The following CALN1 variants were observed in gnomAD, a reference collection of about 807,000 sequenced individuals.
The protein encoded by CALN1 is calneuron 1.
Under a neutral mutation model 30.6 loss-of-function variants are expected in CALN1, and 17 were observed. That is an observed-to-expected ratio of 0.56 (90% CI 0.38 to 0.83). CALN1 has a LOEUF of 0.83. CALN1 is among the 40% of genes least tolerant of loss of function. The pLI is 0.00. For synonymous variants in CALN1, 156 were observed against 131.4 expected, an observed-to-expected ratio of 1.19 and a Z score of -1.28; for missense variants, 291 against 354.9, an observed-to-expected ratio of 0.82 and a Z score of 1.45.
At chr7:72,203,003 G>C (rs976014028) in intron 3 of CALN1, among the ~76,000 whole-genome samples, 5 of 152,108 alleles carry the variant, frequency 3.3e-5, no homozygotes, top group African/African-American at 1.2e-4. Flanking sequence ...ATACTATGCA[G>C]CCATAAAAAA....
chr7:72,288,420 C>A (rs897552314), intron 2 of CALN1, among the ~76,000 whole-genome samples: 2 of 152,186 alleles, frequency 1.3e-5, no homozygotes, highest in African/African-American at 4.8e-5. Flanking sequence ...GGAAATCACA[C>A]ATCATCACTT....
At chr7:72,310,532 G>A (rs2129556336) in intron 2 of CALN1, among the ~76,000 whole-genome samples, 1 of 151,872 alleles carries the variant, frequency 6.6e-6, no homozygotes, top group Non-Finnish European at 1.5e-5. Flanking sequence ...ATAATACCTT[G>A]GGTAGTGCCA....
chr7:72,217,120 A>G (rs10227014), intron 3 of CALN1, among the ~76,000 whole-genome samples: 108,135 of 151,980 alleles, frequency 0.71, 39,179 homozygotes, highest in East Asian at 1. Context: ...TAAGAAAAGT[A>G]CCTTTTTGGG....
intron 2 of CALN1, among the ~76,000 whole-genome samples, chr7:72,290,391 G>A (rs1257453744): frequency 1.3e-5 from 2 of 152,148 alleles, no homozygotes; most frequent in African/African-American, 2.4e-5. Context: ...AGCTCTAGGG[G>A]ACCATTCTCT....
rs896905902 is a variant in CALN1 at position 72,336,625 on chromosome 7, T to C, written c.120-57815A>G. On this transcript the variant is annotated intron_variant, in intron 2 of 6. Coordinates refer to ENST00000395275, the MANE Select transcript of CALN1 (RefSeq NM_031468.4). ...CGACAGCCCGGGGGTTTGGACACCC[T>C]AGAGAGAAGCGAGGACCGAGGGAAG... 1.1e-5 allele frequency: 10 copies of C among 934,496 alleles called. 1 individual carries two copies. In the African/African-American group the frequency reaches 1.4e-4, roughly 13 times the overall value. The allele number at this position is 934,496 out of a possible 1,614,324, so 57.9% of individuals were successfully genotyped here. A position where few individuals can be genotyped will look rare whatever the true frequency, so the allele number is the denominator to read the frequency against.
intron 5 of CALN1, among the ~76,000 whole-genome samples, chr7:71,904,420 T>C (rs1794020903): frequency 6.6e-6 from 1 of 152,194 alleles, no homozygotes; most frequent in South Asian, 2.1e-4. Flanking sequence ...TAGAGGACAT[T>C]GTTAAGGGAA....
chr7:72,017,179 AAAAAAAAAAAAAG>A (rs1800444430), intron 5 of CALN1, among the ~76,000 whole-genome samples: 1 of 133,398 alleles, frequency 7.5e-6, no homozygotes, highest in Non-Finnish European at 1.7e-5. Flanking sequence ...TTAAAAAAAA[AAAAAAAAAAAAAG>A]AGTCCAGGAC....
At chr7:72,356,781 A>T (rs900384090) in intron 2 of CALN1, among the ~76,000 whole-genome samples, 1 of 152,050 alleles carries the variant, frequency 6.6e-6, no homozygotes, top group African/African-American at 2.4e-5. Context: ...AAATCAAAAT[A>T]TATTAGCTAA....
intron 1 of CALN1, among the ~76,000 whole-genome samples, chr7:72,426,059 G>T (rs926741967): frequency 6.6e-6 from 1 of 152,212 alleles, no homozygotes; most frequent in African/African-American, 2.4e-5. Context: ...TGGCACCTAG[G>T]CTTAGGCCAG....
intron 2 of CALN1, among the ~76,000 whole-genome samples, chr7:72,306,048 G>A (rs1018086523): frequency 6.6e-5 from 10 of 152,100 alleles, no homozygotes; most frequent in Non-Finnish European, 1.2e-4. Context: ...GGGGTCTAGG[G>A]AGTCATGCCC....
At chr7:72,205,551 A>AAATATATACATACATACATATAT in intron 3 of CALN1, among the ~76,000 whole-genome samples, 1 of 83,052 alleles carries the variant, frequency 1.2e-5, no homozygotes, top group African/African-American at 7.5e-5. Context: ...GCAAAAAAAA[A>AAATATATACATACATACATATAT]ATATATATAT....
At chr7:72,239,616 G>T (rs142862912) in intron 3 of CALN1, among the ~76,000 whole-genome samples, 1 of 151,924 alleles carries the variant, frequency 6.6e-6, no homozygotes, top group Non-Finnish European at 1.5e-5. Flanking sequence ...CTTTTCTAAG[G>T]TGTTAATTTC....
intron 3 of CALN1, among the ~76,000 whole-genome samples, chr7:72,183,158 G>A (rs1445697027): frequency 3.3e-5 from 5 of 152,068 alleles, no homozygotes; most frequent in African/African-American, 1.2e-4. Context: ...CTGCCTCCCT[G>A]GTTCAAGCGA....
At chr7:72,283,698 G>C (rs1364809289) in intron 2 of CALN1, among the ~76,000 whole-genome samples, 2 of 152,216 alleles carry the variant, frequency 1.3e-5, no homozygotes, top group African/African-American at 4.8e-5. Flanking sequence ...GGATTACAAA[G>C]GAGGGTCAGT....
chr7:71,913,562 G>T (rs1794536703), intron 5 of CALN1, among the ~76,000 whole-genome samples: 1 of 152,176 alleles, frequency 6.6e-6, no homozygotes. Flanking sequence ...AGGTTTTATT[G>T]TTTTTTAAAA....
At chr7:72,345,902 G>A (rs1389225217) in intron 2 of CALN1, among the ~76,000 whole-genome samples, 2 of 152,076 alleles carry the variant, frequency 1.3e-5, no homozygotes, top group Non-Finnish European at 2.9e-5. Context: ...ATATAACGTG[G>A]CATTTAAGCA....
At chr7:71,838,342 A>G (rs1403129092) in intron 5 of CALN1, among the ~76,000 whole-genome samples, 1 of 152,170 alleles carries the variant, frequency 6.6e-6, no homozygotes, top group African/African-American at 2.4e-5. Context: ...CTCATGGACT[A>G]TTGTGGTAAA....
chr7:72,090,913 T>C (rs558136759), intron 4 of CALN1, among the ~76,000 whole-genome samples: 2 of 152,186 alleles, frequency 1.3e-5, no homozygotes, highest in South Asian at 2.1e-4. Context: ...ACGATGATTA[T>C]AGGGGCAAGG....
intron 5 of CALN1, among the ~76,000 whole-genome samples, chr7:71,975,536 C>T (rs1312925090): frequency 6.6e-6 from 1 of 152,118 alleles, no homozygotes; most frequent in Non-Finnish European, 1.5e-5. Context: ...AGGAAATCCT[C>T]CTGCCTCAGC....
Sources: allele counts gnomAD v4.1 joint callset (sites outside exome capture counted in the v4.1 genomes callset), GRCh38; gene constraint gnomAD v4.1.1; transcripts MANE v1.5; gene names NCBI Gene and HGNC (gene_info 2026-07-23, HGNC 2026-07-21).